The following PTPRN2 variants were observed in gnomAD, a reference collection of about 807,000 sequenced individuals.
PTPRN2 encodes receptor-type tyrosine-protein phosphatase N2.
Under a neutral mutation model 118.8 loss-of-function variants are expected in PTPRN2, and 74 were observed. That is an observed-to-expected ratio of 0.62 (90% CI 0.52 to 0.76). The LOEUF is 0.76. Ranked by LOEUF, PTPRN2 falls within the 30% of genes least tolerant of loss-of-function variation. The pLI is 0.00. For synonymous variants in PTPRN2, 641 were observed against 608.0 expected (o/e 1.05, Z -0.80); for missense variants, 1,481 against 1,394.4 (o/e 1.06, Z -0.99).
At chr7:157,755,958 G>T (rs1049265051) in intron 12 of PTPRN2, among the ~76,000 whole-genome samples, 2 of 152,316 alleles carry the variant, frequency 1.3e-5, no homozygotes, top group South Asian at 2.1e-4. Context: ...CAGCACCCAG[G>T]TTCCCAGCCA....
chr7:158,423,468 C>A (rs1435377286), intron 2 of PTPRN2, among the ~76,000 whole-genome samples: 6 of 152,210 alleles, frequency 3.9e-5, no homozygotes, highest in African/African-American at 1.4e-4. Flanking sequence ...GCCCAGGGCA[C>A]TCCCAAAATG....
At chr7:157,706,663 G>C (rs1351162356) in intron 12 of PTPRN2, among the ~76,000 whole-genome samples, 1 of 151,582 alleles carries the variant, frequency 6.6e-6, no homozygotes, top group Non-Finnish European at 1.5e-5. Flanking sequence ...TGGGAATTGA[G>C]TGAATCTGAC....
intron 2 of PTPRN2, among the ~76,000 whole-genome samples, chr7:158,412,798 T>C (rs1376442104): frequency 5.8e-5 from 3 of 51,640 alleles, no homozygotes; most frequent in African/African-American, 7.8e-5. Flanking sequence ...CCTCCTCAGC[T>C]CCAGGGCCCA....
At chr7:158,076,683 C>T (rs977574014) in intron 11 of PTPRN2, among the ~76,000 whole-genome samples, 4 of 152,200 alleles carry the variant, frequency 2.6e-5, no homozygotes, top group African/African-American at 9.6e-5. Flanking sequence ...ATTCTCATTC[C>T]TCTCACCTTC....
At chr7:157,541,597 T>C (rs1286833612) in intron 22 of PTPRN2, among the ~76,000 whole-genome samples, 1 of 152,210 alleles carries the variant, frequency 6.6e-6, no homozygotes, top group Non-Finnish European at 1.5e-5. Context: ...CTCAAAACAC[T>C]GCTATGGAAA....
In PTPRN2 at chr7:157,964,777, G is replaced by C. The variant is rs1385071703; in HGVS notation, c.1724-66040C>G. Among the ~76,000 whole-genome samples, 1 of 152,156 alleles carries C rather than the reference G, an allele frequency of 6.6e-6. No homozygotes were observed. Among genetic ancestry groups the C allele is most frequent in the African/African-American group, 2.4e-5 (1 of 41,440 alleles). On this transcript the variant is annotated intron_variant, in intron 11 of 22. Coordinates refer to ENST00000389418, the MANE Select transcript of PTPRN2 (RefSeq NM_002847.5). This position sits in a 1 kb window ranked among gnomAD's most constrained non-coding sequence, Gnocchi z 9.0. Reference sequence around the variant, plus strand: ...AAGCTTCCCACTTGAAGGTTGGTGTGAAACCCCACCCCACTCAACCCTGGC... The same window carrying C: ...AAGCTTCCCACTTGAAGGTTGGTGTCAAACCCCACCCCACTCAACCCTGGC...
Position 158,167,069 on chromosome 7 carries a change from G to T in PTPRN2, c.772C>A (p.Pro258Thr). The change falls in exon 6 of 23, where the codon CCC becomes ACC. Residue 258 changes from proline to threonine, a missense_variant. Coordinates refer to ENST00000389418, the MANE Select transcript of PTPRN2 (RefSeq NM_002847.5). ...AYAAQRPPAP[P>T]GEGSLEPQYL... is the part of the protein sequence containing the mutation. Reference sequence around the variant, plus strand: ...TGTGGCTCCAGGCTGCCCTCCCCGGGGGGAGCTGGGGGCCTCTGGGCAGCA... The same window carrying T: ...TGTGGCTCCAGGCTGCCCTCCCCGGTGGGAGCTGGGGGCCTCTGGGCAGCA... 1 of 1,595,414 alleles carries T rather than the reference G, an allele frequency of 6.3e-7. No individual in the cohort carries two copies.
chr7:158,257,483 T>C (rs997435614), intron 3 of PTPRN2, among the ~76,000 whole-genome samples: 5 of 152,208 alleles, frequency 3.3e-5, no homozygotes, highest in African/African-American at 1.2e-4. Flanking sequence ...TCAGGCATCC[T>C]GTATTCAATC....
chr7:158,435,184 T>A (rs1816489856), intron 2 of PTPRN2, among the ~76,000 whole-genome samples: 1 of 152,178 alleles, frequency 6.6e-6, no homozygotes, highest in Non-Finnish European at 1.5e-5. Context: ...ATAAAATACT[T>A]GCAAATCGTA....
At chr7:157,843,929 G>T (rs927399297) in intron 12 of PTPRN2, among the ~76,000 whole-genome samples, 20 of 152,184 alleles carry the variant, frequency 1.3e-4, no homozygotes, top group Admixed American at 6.5e-5. Flanking sequence ...CTTTCGATGT[G>T]GTGCCGTCAC....
intron 11 of PTPRN2, among the ~76,000 whole-genome samples, chr7:157,907,493 G>T (rs969941073): frequency 6.7e-6 from 1 of 148,582 alleles, no homozygotes; most frequent in Non-Finnish European, 1.5e-5. Context: ...CTGCGTGTGG[G>T]GTGTCCTGGG....
At chr7:157,543,276 A>G (rs1456852589) in intron 22 of PTPRN2, among the ~76,000 whole-genome samples, 4 of 152,238 alleles carry the variant, frequency 2.6e-5, no homozygotes, top group Non-Finnish European at 5.9e-5. Context: ...GCAAGAAAGC[A>G]TTTTTGAACA....
chr7:158,570,824 T>C lies in PTPRN2; in HGVS notation c.112+16734A>G, dbSNP rs1490164087. ...GGAACCCTGTGGAGCTCATGGCTTT[T>C]GTGACTGAGACTAAAAGCATCCATA... is the stretch of plus-strand genomic sequence containing the variant. On this transcript the variant is annotated intron_variant, in intron 1 of 22. Transcript: ENST00000389418. The surrounding 1 kb of genome is among the most constrained non-coding windows in gnomAD (Gnocchi z 4.5). 1.3e-5 allele frequency among the ~76,000 whole-genome samples: 2 copies of C among 152,220 alleles called. No homozygotes were observed. Among genetic ancestry groups the C allele is most frequent in the African/African-American group, 4.8e-5 (2 of 41,464 alleles).
chr7:158,365,947 C>A (rs1222152514), intron 2 of PTPRN2, among the ~76,000 whole-genome samples: 1 of 148,316 alleles, frequency 6.7e-6, no homozygotes, highest in African/African-American at 2.5e-5. Flanking sequence ...CAGCCCAATG[C>A]ACACATGCAC....
At chr7:158,075,453 T>C (rs1429989752) in intron 11 of PTPRN2, among the ~76,000 whole-genome samples, 2 of 152,056 alleles carry the variant, frequency 1.3e-5, no homozygotes, top group Non-Finnish European at 2.9e-5. Context: ...CACGTGGCCC[T>C]GGACACAAGC....
At chr7:158,265,364 A>T (rs1213063726) in intron 3 of PTPRN2, among the ~76,000 whole-genome samples, 1 of 151,130 alleles carries the variant, frequency 6.6e-6, no homozygotes, top group Non-Finnish European at 1.5e-5. Flanking sequence ...GCAGGTACAT[A>T]CCTATGGGCA....
intron 15 of PTPRN2, among the ~76,000 whole-genome samples, chr7:157,620,528 G>A (rs938652675): frequency 6.6e-6 from 1 of 152,218 alleles, no homozygotes; most frequent in Admixed American, 6.5e-5. Context: ...CTATGCTAAT[G>A]ACCTCGTCTA....
At chr7:158,515,153 G>A (rs915464212) in intron 1 of PTPRN2, among the ~76,000 whole-genome samples, 2 of 152,020 alleles carry the variant, frequency 1.3e-5, no homozygotes, top group East Asian at 1.9e-4. Context: ...AAGCGGCCGC[G>A]TGCACCAGCT....
chr7:158,357,754 G>T (rs1423634810), intron 2 of PTPRN2, among the ~76,000 whole-genome samples: 1 of 152,250 alleles, frequency 6.6e-6, no homozygotes, highest in Non-Finnish European at 1.5e-5. Flanking sequence ...AGAAAGAAGG[G>T]CCTGGTCCCA....
Sources: allele counts gnomAD v4.1 joint callset (sites outside exome capture counted in the v4.1 genomes callset), GRCh38; gene constraint gnomAD v4.1.1; non-coding constraint Gnocchi (gnomAD v3.1); transcripts MANE v1.5; gene names NCBI Gene and HGNC (gene_info 2026-07-23, HGNC 2026-07-21).